Variants in LIMD1 observed in about 807,000 individuals in gnomAD.
LIMD1 encodes the protein LIM domain-containing protein 1.
Under a neutral mutation model 58.4 loss-of-function variants are expected in LIMD1, and 23 were observed. The observed-to-expected ratio is 0.39, with a 90% CI of 0.28 to 0.56. LIMD1 has a LOEUF of 0.56. Ranked by LOEUF, LIMD1 falls within the 20% of genes least tolerant of loss-of-function variation. LIMD1 has a pLI of 0.57. For missense variants in LIMD1, 838 were observed against 855.5 expected, an observed-to-expected ratio of 0.98 and a Z score of 0.25; for synonymous variants, 334 against 345.5, an observed-to-expected ratio of 0.97 and a Z score of 0.37.
rs75008998 is a variant in LIMD1 at position 45,604,851 on chromosome 3, C to G, written c.1408+8564C>G. 3.2e-3 allele frequency among the ~76,000 whole-genome samples: 489 copies of G among 152,332 alleles called. 1 individual carries two copies. Among genetic ancestry groups the G allele is most frequent in the African/African-American group, 0.011 (467 of 41,580 alleles). ...CTCCTTGGTATGGTATGTTTCTGCT[C>G]TGTTCTTTTGTGACCAGGAAAGAAT... On this transcript the variant is annotated intron_variant, in intron 1 of 7. Transcript: ENST00000273317.
rs1194497613 is a variant in LIMD1 at position 45,684,569 on chromosome 3, G to A, written c.*7510G>A. 1.3e-5 allele frequency: 2 copies of A among 152,240 alleles called. No individual in the cohort carries two copies. Among genetic ancestry groups the A allele is most frequent in the African/African-American group, 4.8e-5 (2 of 41,460 alleles). The allele number at this position is 152,240 out of a possible 1,614,324, so 9.4% of individuals were successfully genotyped here. A position where few individuals can be genotyped will look rare whatever the true frequency, so the allele number is the denominator to read the frequency against. On this transcript the variant is annotated 3_prime_UTR_variant, in exon 8 of 8. Coordinates refer to ENST00000273317, the MANE Select transcript of LIMD1 (RefSeq NM_014240.3). Reference sequence around the variant, plus strand: ...TGCAGAGGGAGGAGGACTCCGAATGGATCTCCCCATTCCTGGCGGGAAGCA... The same window carrying A: ...TGCAGAGGGAGGAGGACTCCGAATGAATCTCCCCATTCCTGGCGGGAAGCA...
intron 2 of LIMD1, among the ~76,000 whole-genome samples, chr3:45,645,912 T>C (rs555301182): frequency 2.0e-5 from 3 of 151,190 alleles, no homozygotes; most frequent in Admixed American, 1.3e-4. Flanking sequence ...AGTGGATCCA[T>C]GCCTGTAAGC....
In LIMD1 at chr3:45,595,770, G is replaced by T; in HGVS notation, c.891G>T (p.Val297=). The change falls in exon 1 of 8, where the codon GTG becomes GTT. Residue 297 remains valine (V), a synonymous_variant. Coordinates refer to ENST00000273317, the MANE Select transcript of LIMD1 (RefSeq NM_014240.3). The part of the protein sequence containing the change: ...VGPVQPRTPS[V]SAPLALSCPR... ...CTGTTCAGCCCAGGACCCCTTCTGT[G>T]TCAGCACCCTTGGCCCTGAGCTGCC... is the stretch of plus-strand genomic sequence containing the variant. 6.2e-7 allele frequency: 1 copy of T among 1,614,096 alleles called. No individual in the cohort carries two copies. Among genetic ancestry groups the T allele is most frequent in the Non-Finnish European group, 8.5e-7 (1 of 1,180,012 alleles).
intron 1 of LIMD1, among the ~76,000 whole-genome samples, chr3:45,626,152 C>G (rs1701666748): frequency 1.3e-5 from 2 of 152,192 alleles, no homozygotes; most frequent in Non-Finnish European, 2.9e-5. Flanking sequence ...TTAAAAGAAT[C>G]TTGTATAGCC....
At position 45,677,380 on chromosome 3, in the gene LIMD1, A is replaced by G. The variant is rs1697685479; in HGVS notation, c.*321A>G. 2 of 237,640 alleles carry G rather than the reference A, an allele frequency of 8.4e-6. No homozygotes were observed. Among genetic ancestry groups the G allele is most frequent in the Non-Finnish European group, 8.3e-6 (1 of 120,078 alleles). 14.7% of individuals were successfully genotyped at this position (237,640 alleles called of 1,614,324 possible). ...CTCCTGTCCCCTCTGGGAACATTTCATGCTTCAGAGGGAGAGGTTTTTATT... is the reference window on the plus strand; with the variant it reads ...CTCCTGTCCCCTCTGGGAACATTTCGTGCTTCAGAGGGAGAGGTTTTTATT... On this transcript the variant is annotated 3_prime_UTR_variant, in exon 8 of 8. Transcript: ENST00000273317.
intron 1 of LIMD1, among the ~76,000 whole-genome samples, chr3:45,596,935 C>G (rs1701362816): frequency 6.7e-6 from 1 of 149,622 alleles, no homozygotes; most frequent in African/African-American, 2.5e-5. Context: ...AATCTCGGCT[C>G]ACTGCAACCT....
intron 1 of LIMD1, among the ~76,000 whole-genome samples, chr3:45,625,606 G>A (rs1701662241): frequency 6.6e-6 from 1 of 152,100 alleles, no homozygotes; most frequent in Non-Finnish European, 1.5e-5. Flanking sequence ...AGTGTTGAGA[G>A]GTGGGACCTT....
At chr3:45,641,216 C>A (rs1382259642) in intron 2 of LIMD1, among the ~76,000 whole-genome samples, 1 of 152,134 alleles carries the variant, frequency 6.6e-6, no homozygotes, top group Admixed American at 6.5e-5. Flanking sequence ...AGGTCAAAAA[C>A]CTGGCTATGG....
rs140447092 is a variant in LIMD1 at position 45,629,152 on chromosome 3, G to A, written c.1409-6998G>A. ...CACGGGGCTGGGCACGGTGGTTCAC[G>A]CCTGTATTCCCAGCACTTTGGGAGG... On this transcript the variant is annotated intron_variant, in intron 1 of 7. Transcript: ENST00000273317. 8.6e-3 allele frequency among the ~76,000 whole-genome samples: 1,304 copies of A among 152,216 alleles called. 13 individuals are homozygous for A. The highest frequency in any genetic ancestry group is 0.029 in the African/African-American group (1,219 of 41,528).
intron 2 of LIMD1, among the ~76,000 whole-genome samples, chr3:45,650,026 GGTTT>G (rs1209489702): frequency 6.6e-6 from 1 of 150,904 alleles, no homozygotes; most frequent in African/African-American, 2.4e-5. Flanking sequence ...TGTGCTTAGG[GGTTT>G]GTTGAGCTTC....
intron 1 of LIMD1, chr3:45,632,645 A>ATGTCTTAACTGTGGCCTC: frequency 3.1e-6 from 2 of 636,232 alleles, no homozygotes; most frequent in Non-Finnish European, 3.9e-6. Flanking sequence ...TGCGGAGGCC[A>ATGTCTTAACTGTGGCCTC]CAGTTAAGAC....
At chr3:45,636,796 G>A (rs1403650270) in intron 2 of LIMD1, among the ~76,000 whole-genome samples, 1 of 152,144 alleles carries the variant, frequency 6.6e-6, no homozygotes, top group Non-Finnish European at 1.5e-5. Flanking sequence ...ACACCTGTGG[G>A]CATCTTTGTA....
intron 2 of LIMD1, among the ~76,000 whole-genome samples, chr3:45,661,250 CAAAGAT>C (rs1473744719): frequency 6.6e-6 from 1 of 152,162 alleles, no homozygotes; most frequent in African/African-American, 2.4e-5. Flanking sequence ...TTCTTACACT[CAAAGAT>C]AATGACTTAA....
chr3:45,613,928 C>T (rs189219766), intron 1 of LIMD1, among the ~76,000 whole-genome samples: 8 of 152,074 alleles, frequency 5.3e-5, no homozygotes, highest in East Asian at 1.9e-4. Context: ...CCAAAGTGGC[C>T]GTGCCACTTA....
At chr3:45,646,401 G>C (rs570230580) in intron 2 of LIMD1, among the ~76,000 whole-genome samples, 3 of 152,198 alleles carry the variant, frequency 2.0e-5, no homozygotes, top group Non-Finnish European at 4.4e-5. Flanking sequence ...GATGAAGTTA[G>C]CTGGGAACTT....
In LIMD1 at chr3:45,682,068, G is replaced by A. The variant is rs772869823; in HGVS notation, c.*5009G>A. 4 of 152,396 alleles carry A rather than the reference G, an allele frequency of 2.6e-5. No individual in the cohort carries two copies. In the East Asian group the frequency reaches 5.8e-4, roughly 22 times the overall value. The allele number at this position is 152,396 out of a possible 1,614,324, so 9.4% of individuals were successfully genotyped here. ...GGGAAAGAGTTTGTTCTAGACTCCA[G>A]TGTAGTCCTTGTGGCTACCAGGTCT... On this transcript the variant is annotated 3_prime_UTR_variant, in exon 8 of 8. Coordinates refer to ENST00000273317, the MANE Select transcript of LIMD1 (RefSeq NM_014240.3).
chr3:45,617,815 C>T (rs778662533), intron 1 of LIMD1, among the ~76,000 whole-genome samples: 4 of 152,168 alleles, frequency 2.6e-5, no homozygotes, highest in Non-Finnish European at 5.9e-5. Flanking sequence ...ACGGGAAGGG[C>T]TGTCGGTGGG....
intron 1 of LIMD1, among the ~76,000 whole-genome samples, chr3:45,619,536 C>T (rs1235427126): frequency 1.3e-5 from 2 of 152,118 alleles, no homozygotes; most frequent in African/African-American, 2.4e-5. Flanking sequence ...TGGTGGATCA[C>T]GCCTGTAATC....
intron 1 of LIMD1, among the ~76,000 whole-genome samples, chr3:45,616,216 C>T (rs954358170): frequency 6.6e-6 from 1 of 152,148 alleles, no homozygotes; most frequent in African/African-American, 2.4e-5. Flanking sequence ...GGGCCCCCTT[C>T]CTCCTGACCC....
Sources: allele counts gnomAD v4.1 joint callset (sites outside exome capture counted in the v4.1 genomes callset), GRCh38; gene constraint gnomAD v4.1.1; transcripts MANE v1.5; gene names NCBI Gene and HGNC (gene_info 2026-07-23, HGNC 2026-07-21).